PEX5L: variants seen among roughly 807,000 people sequenced by gnomAD.
PEX5L encodes PEX5-related protein.
Under a neutral mutation model 84.0 loss-of-function variants are expected in PEX5L, and 30 were observed. That is an observed-to-expected ratio of 0.36 (90% CI 0.27 to 0.48). PEX5L has a LOEUF of 0.48. PEX5L is among the 20% of genes least tolerant of loss of function. PEX5L has a pLI of 0.99. For missense variants in PEX5L, 533 were observed against 754.6 expected (o/e 0.71, Z 3.44); for synonymous variants, 270 against 283.1 (o/e 0.95, Z 0.46).
intron 2 of PEX5L, among the ~76,000 whole-genome samples, chr3:179,931,502 GA>G (rs1303986240): frequency 6.6e-6 from 1 of 152,158 alleles, no homozygotes; most frequent in Non-Finnish European, 1.5e-5. Flanking sequence ...TATAATGATA[GA>G]ACCACATTGG....
intron 2 of PEX5L, among the ~76,000 whole-genome samples, chr3:179,954,203 T>G (rs1471945391): frequency 1.4e-4 from 15 of 108,106 alleles, no homozygotes; most frequent in South Asian, 9.5e-4. Flanking sequence ...TAACCATTAG[T>G]CGGGGGGGGG....
chr3:180,010,013 G>A (rs1789282320), intron 1 of PEX5L, among the ~76,000 whole-genome samples: 2 of 151,746 alleles, frequency 1.3e-5, no homozygotes, highest in African/African-American at 4.8e-5. Context: ...GCGCGATCTC[G>A]ACACACTGCA....
intron 8 of PEX5L, among the ~76,000 whole-genome samples, chr3:179,842,757 G>T (rs139291425): frequency 6.6e-6 from 1 of 152,068 alleles, no homozygotes; most frequent in African/African-American, 2.4e-5. Flanking sequence ...ATGAAAATAC[G>T]TTGTCCTCAA....
At chr3:179,984,465 T>G (rs1786617743) in intron 1 of PEX5L, among the ~76,000 whole-genome samples, 1 of 152,154 alleles carries the variant, frequency 6.6e-6, no homozygotes, top group Non-Finnish European at 1.5e-5. Context: ...AAACTTTGCT[T>G]AATTTTTTTC....
chr3:179,837,536 T>C (rs947257473), intron 8 of PEX5L, among the ~76,000 whole-genome samples: 1 of 152,228 alleles, frequency 6.6e-6, no homozygotes, highest in Non-Finnish European at 1.5e-5. Context: ...ACCCAGATCT[T>C]TATGCAGCCT....
chr3:179,960,706 T>G (rs1174081346), intron 2 of PEX5L, among the ~76,000 whole-genome samples: 5 of 152,242 alleles, frequency 3.3e-5, no homozygotes, highest in Non-Finnish European at 7.3e-5. Context: ...GCTTAAAAAT[T>G]TAACAATATC....
chr3:179,926,358 T>G (rs1004195719), intron 2 of PEX5L, among the ~76,000 whole-genome samples: 1 of 151,990 alleles, frequency 6.6e-6, no homozygotes, highest in Non-Finnish European at 1.5e-5. Context: ...CATCCTGGAG[T>G]CAGAACCTCC....
At chr3:179,933,723 T>A (rs1773771563) in intron 2 of PEX5L, among the ~76,000 whole-genome samples, 1 of 152,210 alleles carries the variant, frequency 6.6e-6, no homozygotes, top group Non-Finnish European at 1.5e-5. Context: ...CCATTAACAT[T>A]TGTTGAATGA....
chr3:179,824,786 A>G (rs1729803254), intron 8 of PEX5L, among the ~76,000 whole-genome samples: 1 of 152,154 alleles, frequency 6.6e-6, no homozygotes, highest in African/African-American at 2.4e-5. Context: ...TTGGATTAAA[A>G]ATTTGCCCCA....
At chr3:179,829,157 G>C (rs1375335790) in intron 8 of PEX5L, among the ~76,000 whole-genome samples, 1 of 152,136 alleles carries the variant, frequency 6.6e-6, no homozygotes, top group African/African-American at 2.4e-5. Flanking sequence ...TAGTCTAGTG[G>C]GATTGCTGGG....
intron 8 of PEX5L, among the ~76,000 whole-genome samples, chr3:179,834,998 C>T (rs1433751665): frequency 6.6e-6 from 1 of 152,084 alleles, no homozygotes; most frequent in African/African-American, 2.4e-5. Context: ...CACACGAAGA[C>T]ATAGAAGGAA....
chr3:180,021,758 A>G (rs1011685648), intron 1 of PEX5L, among the ~76,000 whole-genome samples: 3 of 152,216 alleles, frequency 2.0e-5, no homozygotes, highest in African/African-American at 7.2e-5. Context: ...ACAGGTAGTC[A>G]GTTAGTGAGA....
chr3:179,935,590 G>A lies in PEX5L; in HGVS notation c.93+36004C>T, dbSNP rs150992550. Among the ~76,000 whole-genome samples, 922 of 152,248 alleles carry A rather than the reference G, an allele frequency of 6.1e-3. 10 individuals are homozygous for A. The highest frequency in any genetic ancestry group is 0.026 in the East Asian group (133 of 5,180). On this transcript the variant is annotated intron_variant, in intron 2 of 14. Coordinates refer to ENST00000467460, the MANE Select transcript of PEX5L (RefSeq NM_016559.3). ...ATCACTTTAATAATGAGAAATACAT[G>A]TTTTTTAGAGTTAACCAAGTAATTC...
intron 9 of PEX5L, among the ~76,000 whole-genome samples, chr3:179,818,488 A>AT (rs1727057003): frequency 6.6e-6 from 1 of 152,152 alleles, no homozygotes; most frequent in Non-Finnish European, 1.5e-5. Flanking sequence ...GGTACAATAA[A>AT]TTATTGTTGA....
chr3:179,967,307 A>G lies in PEX5L; in HGVS notation c.93+4287T>C, dbSNP rs1481910448. Among the ~76,000 whole-genome samples, 5 of 152,138 alleles carry G rather than the reference A, an allele frequency of 3.3e-5. No homozygotes were observed. In the East Asian group the frequency reaches 9.6e-4, roughly 29 times the overall value. ...ACCTAATCAGGGAGTTGGGCAACTT[A>G]ATTCACTTTTCTGGATCTCAAAGTT... On this transcript the variant is annotated intron_variant, in intron 2 of 14. Transcript: ENST00000467460.
intron 4 of PEX5L, among the ~76,000 whole-genome samples, chr3:179,884,005 A>T (rs989255910): frequency 1.3e-5 from 2 of 152,248 alleles, no homozygotes; most frequent in African/African-American, 4.8e-5. Flanking sequence ...AAAACTATTT[A>T]TTGAAAATAT....
Position 179,939,590 on chromosome 3 carries a change from C to T in PEX5L, c.93+32004G>A, listed in dbSNP as rs548300558. Among the ~76,000 whole-genome samples the T allele has an allele frequency of 4.6e-5, 7 of 152,290 alleles. No homozygotes were observed. The East Asian group carries it at 1.2e-3, about 25-fold the overall frequency. On this transcript the variant is annotated intron_variant, in intron 2 of 14. Coordinates refer to ENST00000467460, the MANE Select transcript of PEX5L (RefSeq NM_016559.3). ...CTACAGATACATAGACTTCTGGGCC[C>T]AGAGGAGAACTTAGAACATATAGCC...
chr3:179,885,528 C>A (rs1422080034), intron 4 of PEX5L, among the ~76,000 whole-genome samples: 1 of 152,022 alleles, frequency 6.6e-6, no homozygotes, highest in Non-Finnish European at 1.5e-5. Context: ...TGCCTATAGT[C>A]CCAGCTACTT....
intron 2 of PEX5L, among the ~76,000 whole-genome samples, chr3:179,965,394 T>A (rs1343335428): frequency 6.6e-6 from 1 of 152,218 alleles, no homozygotes; most frequent in Non-Finnish European, 1.5e-5. Context: ...ACAGCAGGCA[T>A]CTGAGCAGAT....
Sources: allele counts gnomAD v4.1 joint callset (sites outside exome capture counted in the v4.1 genomes callset), GRCh38; gene constraint gnomAD v4.1.1; transcripts MANE v1.5; gene names NCBI Gene and HGNC (gene_info 2026-07-23, HGNC 2026-07-21).